MIR2052HG: variants seen among roughly 807,000 people sequenced by gnomAD.
The protein encoded by MIR2052HG is MIR2052 host gene.
rs576036689 is a variant in MIR2052HG, at chr8:74,665,557, G to C, written n.217-36822G>C. ...TTGCTTCCCTCCTTGCTATTTACTT[G>C]CTTGAAGGCTTTGCTGTCATTAATC... On this transcript the variant is annotated intron_variant and non_coding_transcript_variant, in intron 2 of 6. Transcript: ENST00000523442. Among the ~76,000 whole-genome samples the C allele has an allele frequency of 2.2e-4, 33 of 152,188 alleles. 1 individual carries two copies. The highest frequency in any genetic ancestry group is 4.2e-4 in the South Asian group (2 of 4,816).
intron 4 of MIR2052HG, among the ~76,000 whole-genome samples, chr8:74,748,099 T>C (rs985392287): frequency 6.6e-6 from 1 of 152,148 alleles, no homozygotes; most frequent in Admixed American, 6.6e-5. Flanking sequence ...ATGGCCTTTG[T>C]TTTTTTAAAG....
chr8:74,653,686 T>C (rs1269806324), intron 2 of MIR2052HG, among the ~76,000 whole-genome samples: 1 of 152,122 alleles, frequency 6.6e-6, no homozygotes, highest in African/African-American at 2.4e-5. Context: ...TTACATGAAA[T>C]ACATATGAAA....
intron 4 of MIR2052HG, among the ~76,000 whole-genome samples, chr8:74,734,012 C>T (rs994054382): frequency 9.2e-5 from 14 of 152,170 alleles, no homozygotes; most frequent in East Asian, 1.9e-4. Flanking sequence ...AGAGCTTCTG[C>T]GCAGCAAAAG....
At chr8:74,642,436 G>A (rs2128735387) in intron 2 of MIR2052HG, among the ~76,000 whole-genome samples, 1 of 152,220 alleles carries the variant, frequency 6.6e-6, no homozygotes, top group Middle Eastern at 3.4e-3. Flanking sequence ...AATTGTTGTA[G>A]ATGCTAAAGA....
intron 2 of MIR2052HG, among the ~76,000 whole-genome samples, chr8:74,697,585 G>A (rs555903121): frequency 7.9e-5 from 12 of 152,036 alleles, no homozygotes; most frequent in African/African-American, 1.4e-4. Context: ...CCCTAAAGAC[G>A]CATCTAAAAA....
intron 2 of MIR2052HG, chr8:74,632,571 T>C (rs890080649): frequency 6.6e-6 from 1 of 152,210 alleles, no homozygotes; most frequent in Non-Finnish European, 1.5e-5. Flanking sequence ...AAAAGCATTT[T>C]AAACTTCAGG....
intron 4 of MIR2052HG, among the ~76,000 whole-genome samples, chr8:74,738,442 A>T (rs907948239): frequency 5.3e-5 from 8 of 152,198 alleles, no homozygotes; most frequent in Admixed American, 6.6e-5. Flanking sequence ...GATTCCTGAA[A>T]TTGTAATTTC....
chr8:74,630,283 T>C (rs1325501795), intron 2 of MIR2052HG, among the ~76,000 whole-genome samples: 1 of 152,172 alleles, frequency 6.6e-6, no homozygotes, highest in Non-Finnish European at 1.5e-5. Context: ...ATCAATGGAC[T>C]GAAAATGAAG....
At chr8:74,604,583 C>CTTTTTTTTTTT (rs35641908) in intron 1 of MIR2052HG, among the ~76,000 whole-genome samples, 1 of 50,008 alleles carries the variant, frequency 2.0e-5, no homozygotes, top group Non-Finnish European at 3.6e-5. Context: ...TGTTTCTTTA[C>CTTTTTTTTTTT]TTTTTTTTTT....
rs35641908 is a variant in MIR2052HG at position 74,604,583 on chromosome 8, C to CTTTTTTTTTTTTT, written n.128+4688_128+4700dup. 2.6e-4 allele frequency among the ~76,000 whole-genome samples: 13 copies of CTTTTTTTTTTTTT among 50,006 alleles called. 1 individual carries two copies. Among genetic ancestry groups the CTTTTTTTTTTTTT allele is most frequent in the East Asian group, 1.3e-3 (2 of 1,576 alleles). The allele number at this position is 50,006 out of a possible 152,430, so 32.8% of individuals were successfully genotyped here. On this transcript the variant is annotated intron_variant and non_coding_transcript_variant, in intron 1 of 6. Transcript: ENST00000523442. ...GCTCTGGGCCGGCCTTGTTTCTTTA[C>CTTTTTTTTTTTTT]TTTTTTTTTTTTTTTTTTTTTTTTT... is the stretch of plus-strand genomic sequence containing the variant.
At chr8:74,606,201 C>G (rs1014336205) in intron 1 of MIR2052HG, among the ~76,000 whole-genome samples, 8 of 152,174 alleles carry the variant, frequency 5.3e-5, no homozygotes, top group African/African-American at 1.9e-4. Context: ...TTCCTGGGAA[C>G]TGTGGATATA....
chr8:74,717,711 G>A (rs188944985), intron 4 of MIR2052HG, among the ~76,000 whole-genome samples: 1 of 151,796 alleles, frequency 6.6e-6, no homozygotes, highest in African/African-American at 2.4e-5. Context: ...AGGAGGCTGG[G>A]GCAGGAGGAT....
At chr8:74,693,929 T>A (rs1284261873) in intron 2 of MIR2052HG, among the ~76,000 whole-genome samples, 2 of 152,140 alleles carry the variant, frequency 1.3e-5, no homozygotes, top group African/African-American at 4.8e-5. Context: ...TCTATGGCCC[T>A]GCCCACCAAC....
chr8:74,634,279 A>G (rs1230211713), intron 2 of MIR2052HG, among the ~76,000 whole-genome samples: 1 of 152,184 alleles, frequency 6.6e-6, no homozygotes, highest in Non-Finnish European at 1.5e-5. Flanking sequence ...AGAATTAGAA[A>G]GACCAGATTA....
In MIR2052HG at chr8:74,698,636, A is replaced by G. The variant is rs530407072; in HGVS notation, n.217-3743A>G. Among the ~76,000 whole-genome samples the G allele has an allele frequency of 2.6e-5, 4 of 152,338 alleles. No homozygotes were observed. In the South Asian group the frequency reaches 6.2e-4, roughly 24 times the overall value. ...GAGAAAGGACTAATATACAGAATAT[A>G]CAAGGAACTCAAACAAATCAGCAAG... On this transcript the variant is annotated intron_variant and non_coding_transcript_variant, in intron 2 of 6. Transcript: ENST00000523442.
At chr8:74,711,548 T>C (rs1459649559) in intron 4 of MIR2052HG, among the ~76,000 whole-genome samples, 1 of 152,198 alleles carries the variant, frequency 6.6e-6, no homozygotes, top group Non-Finnish European at 1.5e-5. Flanking sequence ...TCAGTCACAG[T>C]GACAGTTCCA....
At chr8:74,629,948 G>A (rs1301045156) in intron 2 of MIR2052HG, among the ~76,000 whole-genome samples, 1 of 152,098 alleles carries the variant, frequency 6.6e-6, no homozygotes, top group Non-Finnish European at 1.5e-5. Context: ...ATCCAGCCAG[G>A]CTTTCTCCAA....
intron 2 of MIR2052HG, among the ~76,000 whole-genome samples, chr8:74,678,478 G>T (rs1328658038): frequency 2.7e-5 from 4 of 148,724 alleles, no homozygotes; most frequent in African/African-American, 7.5e-5. Flanking sequence ...CAGGAGAATC[G>T]CTTGAACTTG....
chr8:74,690,171 G>A (rs1218364645), intron 2 of MIR2052HG, among the ~76,000 whole-genome samples: 1 of 152,140 alleles, frequency 6.6e-6, no homozygotes, highest in Non-Finnish European at 1.5e-5. Context: ...ATAAATATGG[G>A]CAACATTTTA....
Sources: gnomAD v4.1 joint callset for allele counts (sites outside exome capture counted in the v4.1 genomes callset) on GRCh38, gnomAD v4.1.1 for gene constraint, MANE v1.5 for transcripts, NCBI Gene and HGNC (gene_info 2026-07-23, HGNC 2026-07-21) for gene names.